SEPHS1: variants seen among roughly 807,000 people sequenced by gnomAD.
SEPHS1 encodes the protein zincore component SEPHS1.
A neutral mutation model predicts 39.2 loss-of-function variants in SEPHS1; 7 were observed. The observed-to-expected ratio is 0.18, with a 90% CI of 0.10 to 0.34. The LOEUF (loss-of-function observed/expected upper bound fraction) is 0.34, where lower values mean the gene tolerates loss of function less well. Ranked by LOEUF, SEPHS1 falls within the 10% of genes least tolerant of loss-of-function variation. SEPHS1 has a pLI of 1.00. For synonymous variants in SEPHS1, 190 were observed against 195.5 expected, an observed-to-expected ratio of 0.97 and a Z score of 0.23; for missense variants, 253 against 514.5, an observed-to-expected ratio of 0.49 and a Z score of 4.92.
chr10:13,324,495 A>G (rs1028750304), intron 7 of SEPHS1, among the ~76,000 whole-genome samples: 3 of 152,272 alleles, frequency 2.0e-5, no homozygotes, highest in Admixed American at 6.5e-5. Context: ...ATTTAGTTTC[A>G]TAAGAAACTG....
rs545714346 is a variant in SEPHS1 at position 13,334,298 on chromosome 10, T to C, written c.406-327A>G. Among the ~76,000 whole-genome samples the C allele has an allele frequency of 2.6e-5, 4 of 152,280 alleles. 1 individual carries two copies. Among genetic ancestry groups the C allele is most frequent in the African/African-American group, 9.6e-5 (4 of 41,564 alleles). On this transcript the variant is annotated intron_variant, in intron 4 of 8. Coordinates refer to ENST00000327347, the MANE Select transcript of SEPHS1 (RefSeq NM_012247.5). ...GCTCATGCCTGTATTCCCAGCACTT[T>C]GGGAGGCTGAGGCGGGCAGATCACC...
intron 2 of SEPHS1, 55 bp from the exon 3 acceptor site, chr10:13,338,863 T>C (rs1833713026): frequency 7.8e-7 from 1 of 1,274,388 alleles, no homozygotes; most frequent in Non-Finnish European, 1.1e-6. Context: ...GCCATTTCAT[T>C]TTATATCACC....
intron 7 of SEPHS1, 34 bp downstream of exon 7, chr10:13,328,317 C>T: frequency 7.1e-7 from 1 of 1,415,916 alleles, no homozygotes; most frequent in Non-Finnish European, 1.0e-6. Context: ...GTCTTGGACC[C>T]CTGGGACCGA....
chr10:13,329,660 C>T (rs537861561), intron 6 of SEPHS1, 38 bp downstream of exon 6: 1 of 1,476,486 alleles, frequency 6.8e-7, no homozygotes, highest in Non-Finnish European at 9.3e-7. Context: ...GCAAACGTAC[C>T]ATTCCCCTCC....
At position 13,318,445 on chromosome 10, in the gene SEPHS1, TC is replaced by T. The variant is rs1319859884; in HGVS notation, c.*696del. 6.6e-6 allele frequency: 1 copy of T among 152,644 alleles called. No individual in the cohort carries two copies. Among genetic ancestry groups the T allele is most frequent in the East Asian group, 1.9e-4 (1 of 5,208 alleles). 9.5% of individuals were successfully genotyped at this position (152,644 alleles called of 1,614,324 possible). A position where few individuals can be genotyped will look rare whatever the true frequency, so the allele number is the denominator to read the frequency against. On this transcript the variant is annotated 3_prime_UTR_variant, in exon 9 of 9. Transcript: ENST00000327347. ...ACATCTAATAACATTGCAAAAAGTA[TC>T]CTTTTTTGCTATCGATAAAACAGTT...
chr10:13,322,030 C>T, intron 8 of SEPHS1: 1 of 455,344 alleles, frequency 2.2e-6, no homozygotes, highest in Non-Finnish European at 4.4e-6. Flanking sequence ...CCCGTTTATC[C>T]TCCATTTATG....
intron 7 of SEPHS1, 64 bp from the exon 8 acceptor site, chr10:13,323,111 C>T (rs1474343271): frequency 7.7e-7 from 1 of 1,295,692 alleles, no homozygotes; most frequent in Non-Finnish European, 1.1e-6. Context: ...ATCTTACGTC[C>T]ACAATTAATC....
chr10:13,329,076 GAT>G (rs1222361362), intron 6 of SEPHS1, among the ~76,000 whole-genome samples: 5 of 152,210 alleles, frequency 3.3e-5, no homozygotes, highest in African/African-American at 9.6e-5. Context: ...AATGCACCAT[GAT>G]ATGTGAGAAT....
chr10:13,326,364 C>T (rs1186807243), intron 7 of SEPHS1, among the ~76,000 whole-genome samples: 2 of 151,868 alleles, frequency 1.3e-5, no homozygotes, highest in Non-Finnish European at 2.9e-5. Flanking sequence ...ATCCCAGCTA[C>T]TTGGGAGGCT....
chr10:13,333,315 T>C (rs1833523885), intron 5 of SEPHS1, among the ~76,000 whole-genome samples: 1 of 151,794 alleles, frequency 6.6e-6, no homozygotes, highest in South Asian at 2.1e-4. Flanking sequence ...GTATTTTTAG[T>C]AGAGATGGGG....
chr10:13,331,706 G>C (rs1244958509), intron 5 of SEPHS1, among the ~76,000 whole-genome samples: 2 of 152,140 alleles, frequency 1.3e-5, no homozygotes, highest in African/African-American at 4.8e-5. Flanking sequence ...TTCTTAACAA[G>C]ACATCAAACA....
In SEPHS1 at chr10:13,322,820, C is replaced by T; in HGVS notation, c.964+15G>A. The T allele has an allele frequency of 6.2e-7, 1 of 1,611,078 alleles. No homozygotes were observed. Among genetic ancestry groups the T allele is most frequent in the Non-Finnish European group, 8.5e-7 (1 of 1,179,178 alleles). ...CCTCACTATTTAGTCCTCAGATGCGCCCAGCATCCTGTACCTGAAGTCTCC... is the reference window on the plus strand; with the variant it reads ...CCTCACTATTTAGTCCTCAGATGCGTCCAGCATCCTGTACCTGAAGTCTCC... On this transcript the variant is annotated intron_variant, in intron 8 of 8. Coordinates refer to ENST00000327347, the MANE Select transcript of SEPHS1 (RefSeq NM_012247.5).
chr10:13,321,752 G>A (rs2131684249), intron 8 of SEPHS1, among the ~76,000 whole-genome samples: 1 of 152,366 alleles, frequency 6.6e-6, no homozygotes, highest in African/African-American at 2.4e-5. Context: ...CTGCGGGAGT[G>A]GGAATGAGCG....
At chr10:13,347,690 G>A (rs890457423) in intron 1 of SEPHS1, among the ~76,000 whole-genome samples, 5 of 146,692 alleles carry the variant, frequency 3.4e-5, no homozygotes, top group East Asian at 2.0e-4. Context: ...GCGCAAAAAT[G>A]TCGGCGGGCG....
At chr10:13,325,812 C>T (rs1221727964) in intron 7 of SEPHS1, among the ~76,000 whole-genome samples, 6 of 146,500 alleles carry the variant, frequency 4.1e-5, no homozygotes, top group Middle Eastern at 3.8e-3. Context: ...GCAGGAGAAT[C>T]GCTTGAACCT....
chr10:13,321,417 T>G (rs1325827107), intron 8 of SEPHS1, among the ~76,000 whole-genome samples: 1 of 152,006 alleles, frequency 6.6e-6, no homozygotes, highest in Non-Finnish European at 1.5e-5. Flanking sequence ...CCCGCTAATT[T>G]TTGTATTTTT....
intron 7 of SEPHS1, among the ~76,000 whole-genome samples, chr10:13,325,362 A>G (rs1833233450): frequency 1.3e-5 from 2 of 152,104 alleles, no homozygotes; most frequent in Admixed American, 1.3e-4. Flanking sequence ...TGTAATCCCC[A>G]CATGTCAAGA....
intron 3 of SEPHS1, among the ~76,000 whole-genome samples, chr10:13,338,479 G>A (rs986512393): frequency 2.0e-5 from 3 of 152,212 alleles, no homozygotes; most frequent in African/African-American, 7.2e-5. Context: ...CAGCAGCAGA[G>A]GGCCTTCCCT....
intron 2 of SEPHS1, among the ~76,000 whole-genome samples, chr10:13,341,350 G>T (rs1046243580): frequency 1.3e-5 from 2 of 150,552 alleles, no homozygotes; most frequent in Non-Finnish European, 3.0e-5. Flanking sequence ...TAATGACCAG[G>T]AGGCAATGGG....
Sources: gnomAD v4.1 joint callset for allele counts (sites outside exome capture counted in the v4.1 genomes callset) on GRCh38, gnomAD v4.1.1 for gene constraint, MANE v1.5 for transcripts, NCBI Gene and HGNC (gene_info 2026-07-23, HGNC 2026-07-21) for gene names.